Variants in MAOA observed in about 807,000 individuals in gnomAD.
MAOA encodes monoamine oxidase A, also known as amine oxidase [flavin-containing] A.
Under a neutral mutation model 42.0 loss-of-function variants are expected in MAOA, and 6 were observed. The observed-to-expected ratio is 0.14, with a 90% CI of 0.08 to 0.28. The LOEUF (loss-of-function observed/expected upper bound fraction) is 0.28, where lower values mean the gene tolerates loss of function less well. Among genes scored for constraint, MAOA ranks in the 10% least tolerant of loss-of-function variants. The probability of loss-of-function intolerance (pLI) is 1.00; values close to 1 mark genes in which losing one functional copy is unlikely to be tolerated. For synonymous variants in MAOA, 140 were observed against 154.0 expected, an observed-to-expected ratio of 0.91 and a Z score of 0.67; for missense variants, 262 against 422.3, an observed-to-expected ratio of 0.62 and a Z score of 3.33.
chrX:43,704,549 A>T (rs571766274), intron 3 of MAOA, among the ~76,000 whole-genome samples: 21 of 111,763 alleles, frequency 1.9e-4, no homozygotes, highest in African/African-American at 6.8e-4. Context: ...ATGGTAAAAG[A>T]TTGAAAGCTT....
chrX:43,740,625 C>G (rs1420067549), intron 10 of MAOA, 56 bp from the exon 11 acceptor site: 1 of 1,007,587 alleles, frequency 9.9e-7, no homozygotes, highest in African/African-American at 1.9e-5. Context: ...ATTCTATACC[C>G]ATCAGTTACT....
Position 43,711,910 on chromosome X carries a change from A to G in MAOA, c.345A>G (p.Val115=). Residue 115 remains valine, a synonymous_variant, in exon 4 of 15, where the codon GTA becomes GTG. Coordinates refer to ENST00000338702, the MANE Select transcript of MAOA (RefSeq NM_000240.4). ...TYPFRGAFPP[V]WNPIAYLDYN... is the part of the protein sequence containing the mutation. ...CATTTCGGGGCGCCTTTCCACCAGT[A>G]TGGAATCCCATTGCATATTTGGATT... The G allele has an allele frequency of 2.5e-6, 3 of 1,209,310 alleles. No individual in the cohort carries two copies. The highest frequency in any genetic ancestry group is 3.4e-6 in the Non-Finnish European group (3 of 893,389).
Position 43,692,172 on chromosome X carries a change from C to T in MAOA, c.169-1119C>T, listed in dbSNP as rs751478985. ...GGGGAGTTGCTGACCACTGAAGAAG[C>T]TCCCGAAGGCTGAGCAGTGCTTTGG... On this transcript the variant is annotated intron_variant, in intron 2 of 14. Coordinates refer to ENST00000338702, the MANE Select transcript of MAOA (RefSeq NM_000240.4). Among the ~76,000 whole-genome samples, 142 of 110,727 alleles carry T rather than the reference C, an allele frequency of 1.3e-3. 1 individual carries two copies. The highest frequency in any genetic ancestry group is 4.4e-3 in the African/African-American group (133 of 30,436).
At chrX:43,672,091 C>T (rs185275502) in intron 1 of MAOA, among the ~76,000 whole-genome samples, 2 of 111,650 alleles carry the variant, frequency 1.8e-5, no homozygotes, top group African/African-American at 6.5e-5. Flanking sequence ...GATGTTCTTC[C>T]ATTTCTTTGT....
intron 2 of MAOA, among the ~76,000 whole-genome samples, chrX:43,688,058 G>T (rs1338905441): frequency 5.4e-5 from 6 of 111,934 alleles, no homozygotes; most frequent in Non-Finnish European, 7.5e-5. Flanking sequence ...GCATTTCCCT[G>T]CTCAAGACCT....
chrX:43,738,158 A>G (rs561041091), intron 10 of MAOA, among the ~76,000 whole-genome samples: 151 of 112,434 alleles, frequency 1.3e-3, no homozygotes, highest in African/African-American at 4.6e-3. Context: ...ATGATAAGCA[A>G]CCAGATTTAG....
At chrX:43,698,090 T>C (rs1319067222) in intron 3 of MAOA, among the ~76,000 whole-genome samples, 1 of 112,340 alleles carries the variant, frequency 8.9e-6, no homozygotes, top group East Asian at 2.8e-4. Context: ...TATTCGTTTT[T>C]GTAAATAACA....
intron 7 of MAOA, 66 bp downstream of exon 7, chrX:43,731,456 A>G: frequency 9.2e-7 from 1 of 1,083,829 alleles, no homozygotes; most frequent in Non-Finnish European, 1.3e-6. Context: ...GTTTCTAACC[A>G]GATATAATTC....
At chrX:43,672,898 C>A (rs2033350916) in intron 1 of MAOA, among the ~76,000 whole-genome samples, 1 of 111,437 alleles carries the variant, frequency 9.0e-6, no homozygotes, top group Non-Finnish European at 1.9e-5. Flanking sequence ...GTCTAAAATT[C>A]TCTTTTTTGG....
intron 5 of MAOA, among the ~76,000 whole-genome samples, chrX:43,723,848 C>T (rs1173329064): frequency 1.8e-4 from 20 of 111,438 alleles, no homozygotes; most frequent in Non-Finnish European, 3.6e-4. Context: ...TTTTGAGATA[C>T]GTTCCATCAA....
chrX:43,681,571 G>A (rs1017749972), intron 1 of MAOA, among the ~76,000 whole-genome samples: 1 of 110,804 alleles, frequency 9.0e-6, no homozygotes, highest in Admixed American at 9.6e-5. Context: ...CATTAGAAAT[G>A]AACTATCAAA....
chrX:43,670,118 C>A (rs1390527600), intron 1 of MAOA, among the ~76,000 whole-genome samples: 2 of 112,022 alleles, frequency 1.8e-5, no homozygotes. Context: ...CTTGTTTAAT[C>A]TTCACATTAC....
At chrX:43,708,890 G>A (rs977119962) in intron 3 of MAOA, among the ~76,000 whole-genome samples, 13 of 106,790 alleles carry the variant, frequency 1.2e-4, no homozygotes, top group Admixed American at 2.0e-4. Flanking sequence ...AGACAGAGTC[G>A]TGCTCTGTCG....
chrX:43,688,621 G>A (rs2033508251), intron 2 of MAOA, among the ~76,000 whole-genome samples: 1 of 111,926 alleles, frequency 8.9e-6, no homozygotes, highest in African/African-American at 3.2e-5. Context: ...GCAAGCACAT[G>A]GTTAATATCC....
intron 1 of MAOA, among the ~76,000 whole-genome samples, chrX:43,677,576 G>A (rs945486598): frequency 1.8e-5 from 2 of 111,461 alleles, no homozygotes; most frequent in East Asian, 5.6e-4. Flanking sequence ...AATTACTGAG[G>A]AGAGAGAAAT....
At chrX:43,710,069 A>G (rs1236405843) in intron 3 of MAOA, among the ~76,000 whole-genome samples, 1 of 112,431 alleles carries the variant, frequency 8.9e-6, no homozygotes, top group Non-Finnish European at 1.9e-5. Context: ...TTTCCATTCT[A>G]TGATGTACTA....
chrX:43,736,217 C>G lies in MAOA; in HGVS notation c.1053-10C>G, dbSNP rs1601948966. ...GTAACCTGATCATTCAATGTAACCTCTCTCTCCAGCTTCATTCTTGCCCGG... is the reference window on the plus strand; with the variant it reads ...GTAACCTGATCATTCAATGTAACCTGTCTCTCCAGCTTCATTCTTGCCCGG... On this transcript the variant is annotated splice_polypyrimidine_tract_variant and intron_variant, in intron 9 of 14. Transcript: ENST00000338702. 1.7e-6 allele frequency: 2 copies of G among 1,182,979 alleles called. No homozygotes were observed. The highest frequency in any genetic ancestry group is 2.3e-6 in the Non-Finnish European group (2 of 872,344).
chrX:43,712,035 T>C, intron 4 of MAOA, 59 bp downstream of exon 4: 1 of 827,858 alleles, frequency 1.2e-6, no homozygotes, highest in South Asian at 2.0e-5. Flanking sequence ...GGCAACTGTT[T>C]AATATCCTTC....
At chrX:43,683,238 A>G (rs2033457914) in intron 1 of MAOA, among the ~76,000 whole-genome samples, 1 of 111,957 alleles carries the variant, frequency 8.9e-6, no homozygotes, top group Admixed American at 9.5e-5. Context: ...GATTATCACC[A>G]GAAAACAAGA....
Sources: allele counts gnomAD v4.1 joint callset (sites outside exome capture counted in the v4.1 genomes callset), GRCh38; gene constraint gnomAD v4.1.1; transcripts MANE v1.5; gene names NCBI Gene and HGNC (gene_info 2026-07-23, HGNC 2026-07-21).